Variants in DTWD2 observed in about 807,000 individuals in gnomAD.
DTWD2 encodes the protein DTW motif tRNA-uridine aminocarboxypropyltransferase 2.
Under a neutral mutation model 31.8 loss-of-function variants are expected in DTWD2, and 39 were observed. The ratio of observed to expected loss-of-function variants is 1.22; its 90% CI spans 0.95 to 1.60. DTWD2 has a LOEUF of 1.60. Among genes scored for constraint, DTWD2 ranks in the 40% most tolerant of loss-of-function variants. DTWD2 has a pLI of 0.00. For synonymous variants in DTWD2, 180 were observed against 142.8 expected, an observed-to-expected ratio of 1.26 and a Z score of -1.86; for missense variants, 515 against 381.5, an observed-to-expected ratio of 1.35 and a Z score of -2.92.
chr5:118,965,996 G>T (rs975523245), intron 1 of DTWD2, among the ~76,000 whole-genome samples: 8 of 150,888 alleles, frequency 5.3e-5, no homozygotes, highest in Admixed American at 2.0e-4. Context: ...AGAGATGCCA[G>T]GAAGAAGTAT....
intron 4 of DTWD2, among the ~76,000 whole-genome samples, chr5:118,867,389 T>C (rs1752401939): frequency 6.6e-6 from 1 of 152,110 alleles, no homozygotes; most frequent in African/African-American, 2.4e-5. Context: ...ACAACTATAC[T>C]CCAGCTAAAC....
chr5:118,928,389 C>T lies in DTWD2; in HGVS notation c.597+148G>A, dbSNP rs1458926052. 1.2e-5 allele frequency: 5 copies of T among 410,338 alleles called. No individual in the cohort carries two copies. In the East Asian group the frequency reaches 1.7e-4, roughly 14 times the overall value. The allele number at this position is 410,338 out of a possible 1,614,324, so 25.4% of individuals were successfully genotyped here. A position where few individuals can be genotyped will look rare whatever the true frequency, so the allele number is the denominator to read the frequency against. On this transcript the variant is annotated intron_variant, in intron 4 of 5. Transcript: ENST00000510708. Reference sequence around the variant, plus strand: ...ATATATTCAAACTCATAAACATAAGCATACATATATCTAGGTACTATATAT... The same window carrying T: ...ATATATTCAAACTCATAAACATAAGTATACATATATCTAGGTACTATATAT...
intron 3 of DTWD2, among the ~76,000 whole-genome samples, chr5:118,938,880 C>T (rs1219404609): frequency 7.1e-6 from 1 of 141,394 alleles, no homozygotes; most frequent in Admixed American, 7.0e-5. Flanking sequence ...CATCTACCAA[C>T]TGAAAGGCAC....
chr5:118,840,895 T>C lies in DTWD2; in HGVS notation c.*22A>G. 1 of 1,608,298 alleles carries C rather than the reference T, an allele frequency of 6.2e-7. No homozygotes were observed. Among genetic ancestry groups the C allele is most frequent in the Non-Finnish European group, 8.5e-7 (1 of 1,176,920 alleles). On this transcript the variant is annotated 3_prime_UTR_variant, in exon 6 of 6. Transcript: ENST00000510708. ...TATTGTTAGATGAAGACAGTTAAGCTAGCACCAAAAGAATAACTGTACTAA... is the reference window on the plus strand; with the variant it reads ...TATTGTTAGATGAAGACAGTTAAGCCAGCACCAAAAGAATAACTGTACTAA...
At chr5:118,864,502 G>A (rs1164142227) in intron 4 of DTWD2, among the ~76,000 whole-genome samples, 1 of 148,360 alleles carries the variant, frequency 6.7e-6, no homozygotes, top group East Asian at 2.0e-4. Flanking sequence ...TGTACATTGT[G>A]CACATGTACC....
At position 118,844,396 on chromosome 5, in the gene DTWD2, T is replaced by C. The variant is rs1751798504; in HGVS notation, c.727-3309A>G. ...AAGGCTTCCAAGGTATGAAAAGTCC[T>C]GGTAAATACTGTAGTAGCTAATGAA... On this transcript the variant is annotated intron_variant, in intron 5 of 5. Coordinates refer to ENST00000510708, the MANE Select transcript of DTWD2 (RefSeq NM_173666.4). Among the ~76,000 whole-genome samples, 4 of 152,330 alleles carry C rather than the reference T, an allele frequency of 2.6e-5. No homozygotes were observed. In the South Asian group the frequency reaches 8.3e-4, roughly 32 times the overall value.
chr5:118,979,282 C>T (rs778561586), intron 1 of DTWD2, among the ~76,000 whole-genome samples: 97 of 151,688 alleles, frequency 6.4e-4, no homozygotes, highest in Non-Finnish European at 1.1e-3. Context: ...CCAGCCTGGG[C>T]GACAGAGCAA....
chr5:118,912,039 T>G (rs1753469232), intron 4 of DTWD2, among the ~76,000 whole-genome samples: 2 of 152,256 alleles, frequency 1.3e-5, no homozygotes, highest in African/African-American at 2.4e-5. Flanking sequence ...CAGCAAGTTA[T>G]GCATTAGAAG....
intron 4 of DTWD2, among the ~76,000 whole-genome samples, chr5:118,851,883 G>T (rs2112681142): frequency 6.6e-6 from 1 of 150,884 alleles, no homozygotes; most frequent in South Asian, 2.1e-4. Context: ...CAAGAGCATA[G>T]AACAGGTCTG....
chr5:118,986,295 G>A (rs534623495), intron 1 of DTWD2, among the ~76,000 whole-genome samples: 103 of 152,198 alleles, frequency 6.8e-4, no homozygotes, highest in African/African-American at 2.3e-3. Context: ...ATACATAAAG[G>A]ACAGAATACA....
chr5:118,911,447 A>C (rs1341794131), intron 4 of DTWD2, among the ~76,000 whole-genome samples: 1 of 152,182 alleles, frequency 6.6e-6, no homozygotes, highest in African/African-American at 2.4e-5. Context: ...ACAGTAAGGA[A>C]GTTCCTCAAA....
intron 4 of DTWD2, among the ~76,000 whole-genome samples, chr5:118,857,776 G>A (rs1752172395): frequency 6.6e-6 from 1 of 152,196 alleles, no homozygotes; most frequent in Non-Finnish European, 1.5e-5. Context: ...TAGCCAGAGT[G>A]GAAAATCTGA....
chr5:118,871,387 A>G (rs1752501593), intron 4 of DTWD2, among the ~76,000 whole-genome samples: 1 of 152,206 alleles, frequency 6.6e-6, no homozygotes, highest in Non-Finnish European at 1.5e-5. Flanking sequence ...CCTTTCTAGC[A>G]GGTTTTGAAC....
At chr5:118,862,487 C>T (rs1752284038) in intron 4 of DTWD2, among the ~76,000 whole-genome samples, 1 of 151,978 alleles carries the variant, frequency 6.6e-6, no homozygotes, top group African/African-American at 2.4e-5. Flanking sequence ...ACTTTATTGT[C>T]TTTGTTTATA....
At chr5:118,983,942 G>A (rs542298843) in intron 1 of DTWD2, among the ~76,000 whole-genome samples, 1 of 152,160 alleles carries the variant, frequency 6.6e-6, no homozygotes, top group Non-Finnish European at 1.5e-5. Context: ...CTGAGGTCAG[G>A]AGTTCGAGAC....
chr5:118,873,644 C>T (rs1057027341), intron 4 of DTWD2, among the ~76,000 whole-genome samples: 3 of 152,220 alleles, frequency 2.0e-5, no homozygotes, highest in Non-Finnish European at 2.9e-5. Flanking sequence ...CCTGCCAATC[C>T]CCACTGACGG....
rs937461978 is a variant in DTWD2 at position 118,838,381 on chromosome 5, G to C, written c.*2536C>G. 10 of 124,622 alleles carry C rather than the reference G, an allele frequency of 8.0e-5. No homozygotes were observed. The highest frequency in any genetic ancestry group is 4.2e-4 in the African/African-American group (10 of 23,854). The allele number at this position is 124,622 out of a possible 1,614,324, so 7.7% of individuals were successfully genotyped here. ...TATCAGCTACAAATTCATAAAACTT[G>C]GAACTTCCAGGAAAAATCAAGCAAA... On this transcript the variant is annotated 3_prime_UTR_variant, in exon 6 of 6. Transcript: ENST00000510708.
At chr5:118,945,779 AAAGAAAG>A (rs1754325563) in intron 1 of DTWD2, among the ~76,000 whole-genome samples, 1 of 18,810 alleles carries the variant, frequency 5.3e-5, no homozygotes, top group African/African-American at 2.1e-4. Context: ...AAAAAAAAAG[AAAGAAAG>A]AAAGAAAGAA....
intron 4 of DTWD2, among the ~76,000 whole-genome samples, chr5:118,920,025 T>C (rs1753666134): frequency 6.6e-6 from 1 of 151,478 alleles, no homozygotes; most frequent in South Asian, 2.1e-4. Context: ...AAAGTGCACA[T>C]TAAATGTAAC....
Sources: allele counts gnomAD v4.1 joint callset (sites outside exome capture counted in the v4.1 genomes callset), GRCh38; gene constraint gnomAD v4.1.1; transcripts MANE v1.5; gene names NCBI Gene and HGNC (gene_info 2026-07-23, HGNC 2026-07-21).